ACTR2: variants seen among roughly 807,000 people sequenced by gnomAD.
ACTR2 encodes actin related protein 2, also known as actin-related protein 2.
ACTR2 carries 5 observed loss-of-function variants against 50.2 expected under a neutral mutation model. The ratio of observed to expected loss-of-function variants is 0.10; its 90% CI spans 0.05 to 0.21. The LOEUF is 0.21. Ranked by LOEUF, ACTR2 falls within the 10% of genes least tolerant of loss-of-function variation. The probability of loss-of-function intolerance (pLI) is 1.00; values close to 1 mark genes in which losing one functional copy is unlikely to be tolerated. For synonymous variants in ACTR2, 140 were observed against 162.9 expected, an observed-to-expected ratio of 0.86 and a Z score of 1.07; for missense variants, 180 against 480.6, an observed-to-expected ratio of 0.37 and a Z score of 5.85.
At chr2:65,259,485 T>C (rs987918778) in intron 6 of ACTR2, among the ~76,000 whole-genome samples, 4 of 152,248 alleles carry the variant, frequency 2.6e-5, no homozygotes, top group African/African-American at 9.6e-5. Flanking sequence ...CCCAGCACTT[T>C]TGGGAGGCCA....
rs962958361 is a variant in ACTR2 at position 65,239,788 on chromosome 2, G to A, written c.49-64G>A. On this transcript the variant is annotated intron_variant, in intron 1 of 8. Coordinates refer to ENST00000260641, the MANE Select transcript of ACTR2 (RefSeq NM_005722.4). ...AAATGCAAAGTGATATTTTTCAGAT[G>A]CTGTCTTAAAATATAGTAAATATCC... The A allele has an allele frequency of 1.9e-5, 19 of 1,001,802 alleles. No homozygotes were observed. The African/African-American group carries it at 2.9e-4, about 15-fold the overall frequency. 62.1% of individuals were successfully genotyped at this position (1,001,802 alleles called of 1,614,324 possible).
intron 6 of ACTR2, among the ~76,000 whole-genome samples, 166 bp from the exon 7 acceptor site, chr2:65,261,081 A>G (rs991036951): frequency 6.8e-6 from 1 of 146,798 alleles, no homozygotes; most frequent in African/African-American, 2.5e-5. Context: ...CAGTTACCTA[A>G]ATCTATTTAA....
In ACTR2 at chr2:65,251,054, G is replaced by A. The variant is rs779587590; in HGVS notation, c.403G>A (p.Gly135Ser). The A allele has an allele frequency of 3.7e-5, 60 of 1,604,780 alleles. No homozygotes were observed. The highest frequency in any genetic ancestry group is 4.8e-5 in the Non-Finnish European group (57 of 1,175,790). ...EVMFETYQFS[G>S]VYVAIQAVLT... ...AATGTTTGAAACTTACCAGTTTTCCGGTGTATATGTAGCCATCCAGGCAGT... is the reference window on the plus strand; with the variant it reads ...AATGTTTGAAACTTACCAGTTTTCCAGTGTATATGTAGCCATCCAGGCAGT... The change falls in exon 4 of 9, where the codon GGT (glycine) becomes AGT (serine). Residue 135 changes from glycine (G) to serine (S), a missense_variant. Physicochemically the swap from Gly to Ser is moderately conservative, Grantham distance 56. Transcript: ENST00000260641.
intron 2 of ACTR2, among the ~76,000 whole-genome samples, chr2:65,241,215 G>A (rs1671835617): frequency 2.0e-5 from 3 of 152,044 alleles, no homozygotes; most frequent in Non-Finnish European, 2.9e-5. Context: ...ATAGTGATAA[G>A]GATAAACTGT....
At chr2:65,255,484 C>T in intron 5 of ACTR2, 61 bp from the exon 6 acceptor site, 1 of 1,464,744 alleles carries the variant, frequency 6.8e-7, no homozygotes, top group South Asian at 1.4e-5. Flanking sequence ...GCATTACTAG[C>T]TTTTGCAGAG....
chr2:65,240,426 A>T (rs1051405343), intron 2 of ACTR2, among the ~76,000 whole-genome samples: 11 of 152,036 alleles, frequency 7.2e-5, no homozygotes, highest in African/African-American at 2.4e-4. Flanking sequence ...ACAGGGTGTA[A>T]ATCTCATTGA....
At chr2:65,261,643 C>A (rs1468851607) in intron 7 of ACTR2, among the ~76,000 whole-genome samples, 2 of 152,062 alleles carry the variant, frequency 1.3e-5, no homozygotes, top group East Asian at 3.8e-4. Context: ...TTTTCTGAAC[C>A]GTTTGAGGGT....
At chr2:65,249,345 A>G (rs185519509) in intron 3 of ACTR2, among the ~76,000 whole-genome samples, 204 of 152,314 alleles carry the variant, frequency 1.3e-3, no homozygotes, top group Middle Eastern at 0.01. Flanking sequence ...ATGGTTTTAA[A>G]GAATCCATAT....
At chr2:65,257,963 C>T (rs1672183189) in intron 6 of ACTR2, among the ~76,000 whole-genome samples, 1 of 152,132 alleles carries the variant, frequency 6.6e-6, no homozygotes, top group Non-Finnish European at 1.5e-5. Context: ...ACCCATTTGT[C>T]AATTTTGGCT....
intron 4 of ACTR2, 44 bp downstream of exon 4, chr2:65,251,143 T>G (rs1026528880): frequency 7.4e-7 from 1 of 1,359,826 alleles, no homozygotes; most frequent in African/African-American, 1.5e-5. Flanking sequence ...CATCAAACAT[T>G]TATTATGTAT....
intron 4 of ACTR2, among the ~76,000 whole-genome samples, chr2:65,252,616 G>A (rs1672074570): frequency 6.6e-6 from 1 of 152,146 alleles, no homozygotes; most frequent in African/African-American, 2.4e-5. Flanking sequence ...TTGCACTCCA[G>A]CCTGGGCGAC....
At chr2:65,232,325 G>C (rs968727108) in intron 1 of ACTR2, among the ~76,000 whole-genome samples, 1 of 152,204 alleles carries the variant, frequency 6.6e-6, no homozygotes, top group Non-Finnish European at 1.5e-5. Flanking sequence ...ATAAGGTCCA[G>C]TCGTACAGAG....
intron 6 of ACTR2, among the ~76,000 whole-genome samples, chr2:65,259,159 C>T (rs756446491): frequency 1.3e-5 from 2 of 152,056 alleles, no homozygotes; most frequent in Non-Finnish European, 2.9e-5. Flanking sequence ...CGCGGTGGCT[C>T]TTCCCCATAA....
At chr2:65,230,403 ATTTTTTTTTT>A (rs11299935) in intron 1 of ACTR2, among the ~76,000 whole-genome samples, 2 of 78,182 alleles carry the variant, frequency 2.6e-5, no homozygotes, top group Admixed American at 1.6e-4. Context: ...ACCGAAGCTG[ATTTTTTTTTT>A]TTTTTTTTTT....
intron 4 of ACTR2, among the ~76,000 whole-genome samples, chr2:65,252,853 G>A (rs933209298): frequency 4.6e-5 from 7 of 152,086 alleles, no homozygotes; most frequent in Non-Finnish European, 7.4e-5. Flanking sequence ...TATAATCCCA[G>A]CCACTTGAGA....
intron 1 of ACTR2, among the ~76,000 whole-genome samples, chr2:65,239,379 A>T (rs1401124107): frequency 1.3e-5 from 2 of 152,140 alleles, no homozygotes; most frequent in African/African-American, 4.8e-5. Flanking sequence ...ACTTGAACCC[A>T]GGAGGCGGAG....
At chr2:65,253,437 C>A (rs1416073840) in intron 4 of ACTR2, among the ~76,000 whole-genome samples, 3 of 151,608 alleles carry the variant, frequency 2.0e-5, no homozygotes, top group African/African-American at 7.3e-5. Flanking sequence ...CAGAGCCAGA[C>A]CCTGTCTCAA....
intron 2 of ACTR2, among the ~76,000 whole-genome samples, chr2:65,240,734 T>C (rs1037428307): frequency 2.6e-5 from 4 of 152,174 alleles, no homozygotes; most frequent in African/African-American, 9.7e-5. Context: ...TTATACAGAA[T>C]GCCATAGAAT....
chr2:65,261,389 C>T lies in ACTR2; in HGVS notation c.878C>T (p.Thr293Ile). 1.2e-6 allele frequency: 2 copies of T among 1,611,188 alleles called. No individual in the cohort carries two copies. Among genetic ancestry groups the T allele is most frequent in the Non-Finnish European group, 1.7e-6 (2 of 1,178,696 alleles). Reference protein sequence around the residue: ...FNTIQAADIDTRSEFYKHIVL... With the variant: ...FNTIQAADIDIRSEFYKHIVL... ...ACAATTCAGGCAGCTGACATTGATACCAGGTACATTAGAAGTGGTGATTTC... is the reference window on the plus strand; with the variant it reads ...ACAATTCAGGCAGCTGACATTGATATCAGGTACATTAGAAGTGGTGATTTC... Residue 293 changes from threonine (T) to isoleucine (I), a missense_variant, in exon 7 of 9, where the codon ACC becomes ATC. Transcript: ENST00000260641.
Sources: allele counts gnomAD v4.1 joint callset (sites outside exome capture counted in the v4.1 genomes callset), GRCh38; gene constraint gnomAD v4.1.1; transcripts MANE v1.5; gene names NCBI Gene and HGNC (gene_info 2026-07-23, HGNC 2026-07-21).